The following FAM174A variants were observed in gnomAD, a reference collection of about 807,000 sequenced individuals.
FAM174A encodes the protein membrane protein FAM174A.
A neutral mutation model predicts 14.3 loss-of-function variants in FAM174A; 14 were observed. That is an observed-to-expected ratio of 0.98 (90% CI 0.65 to 1.53). The LOEUF is 1.53. FAM174A is among the 40% of genes most tolerant of loss of function. The probability of loss-of-function intolerance (pLI) is 0.00; values close to 1 mark genes in which losing one functional copy is unlikely to be tolerated. For missense variants in FAM174A, 241 were observed against 249.6 expected, an observed-to-expected ratio of 0.97 and a Z score of 0.23; for synonymous variants, 108 against 111.4, an observed-to-expected ratio of 0.97 and a Z score of 0.19.
intron 1 of FAM174A, among the ~76,000 whole-genome samples, chr5:100,549,214 G>T (rs1306343483): frequency 6.6e-6 from 1 of 152,020 alleles, no homozygotes; most frequent in Non-Finnish European, 1.5e-5. Flanking sequence ...AATCTTGGGG[G>T]TACTGAACTG....
chr5:100,538,332 G>A (rs1745979400), intron 1 of FAM174A, among the ~76,000 whole-genome samples: 1 of 151,984 alleles, frequency 6.6e-6, no homozygotes, highest in Admixed American at 6.6e-5. Flanking sequence ...CTGATTTGAG[G>A]TGATGCAGAA....
At chr5:100,569,072 T>G (rs1323002195) in intron 2 of FAM174A, among the ~76,000 whole-genome samples, 1 of 151,928 alleles carries the variant, frequency 6.6e-6, no homozygotes, top group African/African-American at 2.4e-5. Flanking sequence ...CACTCTCTAC[T>G]CCATTCTTCC....
At chr5:100,570,913 A>G (rs551902897) in intron 2 of FAM174A, among the ~76,000 whole-genome samples, 2 of 152,018 alleles carry the variant, frequency 1.3e-5, no homozygotes, top group African/African-American at 4.8e-5. Flanking sequence ...GTTGAATTTT[A>G]TCATATACTT....
intron 2 of FAM174A, among the ~76,000 whole-genome samples, chr5:100,568,698 C>T (rs1275439194): frequency 6.6e-6 from 1 of 150,640 alleles, no homozygotes; most frequent in African/African-American, 2.4e-5. Flanking sequence ...GTTTCTTTGC[C>T]TATTAAAGAA....
intron 1 of FAM174A, among the ~76,000 whole-genome samples, chr5:100,546,661 T>C (rs565494292): frequency 2.0e-4 from 30 of 152,350 alleles, no homozygotes; most frequent in African/African-American, 5.3e-4. Flanking sequence ...TAAATACTTT[T>C]GCCATTAGCT....
intron 1 of FAM174A, among the ~76,000 whole-genome samples, chr5:100,545,097 A>T (rs1007166729): frequency 6.6e-6 from 1 of 152,140 alleles, no homozygotes; most frequent in Non-Finnish European, 1.5e-5. Context: ...TTTTGTCATG[A>T]TCTCCAGTGC....
chr5:100,535,982 TGGGGCACCCCCGTGGGCCTGA>T lies in FAM174A; in HGVS notation c.434+20_434+40del, dbSNP rs1561310110. ...ACGGTCAGGTGAGGCAAAGCCTCGGTGGGGCACCCCCGTGGGCCTGAGATACGCAGGCCGGTGATCTCCAGC... is the reference window on the plus strand; with the variant it reads ...ACGGTCAGGTGAGGCAAAGCCTCGGTGATACGCAGGCCGGTGATCTCCAGC... On this transcript the variant is annotated intron_variant, in intron 1 of 2. Coordinates refer to ENST00000312637, the MANE Select transcript of FAM174A (RefSeq NM_198507.3). The T allele has an allele frequency of 3.2e-6, 5 of 1,547,326 alleles. No homozygotes were observed. Among genetic ancestry groups the T allele is most frequent in the Admixed American group, 3.7e-5 (2 of 54,490 alleles).
chr5:100,546,193 G>A (rs1313597900), intron 1 of FAM174A, among the ~76,000 whole-genome samples: 1 of 152,168 alleles, frequency 6.6e-6, no homozygotes, highest in Non-Finnish European at 1.5e-5. Flanking sequence ...CAATTTAGCT[G>A]GCTTTAATGT....
At chr5:100,547,731 G>A (rs934845285) in intron 1 of FAM174A, among the ~76,000 whole-genome samples, 8 of 152,060 alleles carry the variant, frequency 5.3e-5, no homozygotes, top group African/African-American at 1.9e-4. Context: ...CAGTAGCAGT[G>A]TGGCTCAGAG....
chr5:100,577,988 G>A (rs1449166324), intron 2 of FAM174A, among the ~76,000 whole-genome samples: 2 of 152,076 alleles, frequency 1.3e-5, no homozygotes, highest in Non-Finnish European at 2.9e-5. Context: ...AGGTATCCAG[G>A]ACAATAAGTG....
chr5:100,581,894 T>G (rs1440246749), intron 2 of FAM174A, among the ~76,000 whole-genome samples: 1 of 152,226 alleles, frequency 6.6e-6, no homozygotes, highest in Non-Finnish European at 1.5e-5. Flanking sequence ...ATAATAGTTA[T>G]GCTAATTTGC....
intron 1 of FAM174A, among the ~76,000 whole-genome samples, chr5:100,560,952 C>T (rs1055693279): frequency 2.0e-5 from 3 of 151,898 alleles, no homozygotes; most frequent in Non-Finnish European, 4.4e-5. Context: ...GTCACTCAGA[C>T]CCTCAACAAT....
rs370041880 is a variant in FAM174A at position 100,555,800 on chromosome 5, T to C, written c.435-6254T>C. ...GTTGTTTTTTTCTTTGAGTTTTCTT[T>C]GAGTTTTTTTCTTTTGAGTTCATTG... On this transcript the variant is annotated intron_variant, in intron 1 of 2. Coordinates refer to ENST00000312637, the MANE Select transcript of FAM174A (RefSeq NM_198507.3). 8.7e-4 allele frequency among the ~76,000 whole-genome samples: 133 copies of C among 152,112 alleles called. 1 individual carries two copies. Among genetic ancestry groups the C allele is most frequent in the African/African-American group, 3.0e-3 (123 of 41,486 alleles).
intron 1 of FAM174A, among the ~76,000 whole-genome samples, chr5:100,550,662 G>A (rs1228461308): frequency 1.3e-5 from 2 of 152,102 alleles, no homozygotes; most frequent in Admixed American, 1.3e-4. Flanking sequence ...CTTTTCATAA[G>A]CACTTTAAAG....
At chr5:100,545,537 G>C (rs1020178369) in intron 1 of FAM174A, among the ~76,000 whole-genome samples, 3 of 151,960 alleles carry the variant, frequency 2.0e-5, no homozygotes, top group Non-Finnish European at 4.4e-5. Flanking sequence ...ACTGTATTAT[G>C]TTTTTGTAAT....
At chr5:100,554,930 C>CT (rs1053203770) in intron 1 of FAM174A, among the ~76,000 whole-genome samples, 15 of 150,700 alleles carry the variant, frequency 1.0e-4, no homozygotes, top group African/African-American at 1.9e-4. Context: ...TGCGTAGCTT[C>CT]TTTTTTTTTA....
chr5:100,557,223 C>T (rs529300789), intron 1 of FAM174A, among the ~76,000 whole-genome samples: 36,820 of 150,288 alleles, frequency 0.24, 4,789 homozygotes, highest in Admixed American at 0.35. Context: ...GTCATTGGTA[C>T]ATGTTGGATT....
chr5:100,563,892 C>G (rs1487052579), intron 2 of FAM174A, among the ~76,000 whole-genome samples: 1 of 151,866 alleles, frequency 6.6e-6, no homozygotes, highest in Non-Finnish European at 1.5e-5. Flanking sequence ...GAATAAACCT[C>G]CAGGCCAAAT....
chr5:100,571,246 A>T (rs1746773121), intron 2 of FAM174A, among the ~76,000 whole-genome samples: 1 of 151,654 alleles, frequency 6.6e-6, no homozygotes, highest in African/African-American at 2.4e-5. Flanking sequence ...TTGGGAAGTG[A>T]TCCCTTTGCA....
Sources: gnomAD v4.1 joint callset for allele counts (sites outside exome capture counted in the v4.1 genomes callset) on GRCh38, gnomAD v4.1.1 for gene constraint, MANE v1.5 for transcripts, NCBI Gene and HGNC (gene_info 2026-07-23, HGNC 2026-07-21) for gene names.